Variants in ALMS1 observed in about 807,000 individuals in gnomAD.
The protein encoded by ALMS1 is centrosome-associated protein ALMS1.
A neutral mutation model predicts 352.2 loss-of-function variants in ALMS1; 271 were observed. The observed-to-expected ratio is 0.77, with a 90% CI of 0.70 to 0.85. The LOEUF is 0.85. Among genes scored for constraint, ALMS1 ranks in the 40% least tolerant of loss-of-function variants. The pLI is 0.00. For synonymous variants in ALMS1, 1,865 were observed against 1,761.2 expected (o/e 1.06, Z -1.48); for missense variants, 5,445 against 4,870.7 (o/e 1.12, Z -3.51).
Position 73,452,970 on chromosome 2 carries a change from C to A in ALMS1, c.6443C>A (p.Pro2148Gln). ...AGTTCCTTTTCACATCGAGAGAAAC[C>A]AGATATTTTCTATCAAAAGGATTTG... The part of the protein sequence containing the change: ...LPSSFSHREK[P>Q]DIFYQKDLPD... Residue 2148 changes from proline (P) to glutamine (Q), a missense_variant, in exon 8 of 23, where the codon CCA (proline) becomes CAA (glutamine). Physicochemically the swap from Pro to Gln is moderately conservative, Grantham distance 76. Transcript: ENST00000613296. The A allele has an allele frequency of 6.2e-7, 1 of 1,612,246 alleles. No individual in the cohort carries two copies. The highest frequency in any genetic ancestry group is 8.5e-7 in the Non-Finnish European group (1 of 1,179,122).
intron 16 of ALMS1, among the ~76,000 whole-genome samples, chr2:73,578,648 C>G (rs181805983): frequency 4.5e-4 from 69 of 152,222 alleles, no homozygotes; most frequent in Non-Finnish European, 4.4e-5. Flanking sequence ...GTTAATACAT[C>G]TCTATTCTTC....
intron 15 of ALMS1, among the ~76,000 whole-genome samples, chr2:73,568,676 C>G (rs1318199098): frequency 6.6e-6 from 1 of 152,044 alleles, no homozygotes; most frequent in African/African-American, 2.4e-5. Context: ...CTTTACTGTT[C>G]ATATTAAATT....
rs1250097723 is a variant in ALMS1, at chr2:73,572,693, C to T, written c.10816C>T (p.Arg3606Trp). Residue 3606 changes from arginine to tryptophan, a missense_variant, in exon 16 of 23, where the codon CGG (arginine) becomes TGG (tryptophan). Physicochemically the swap from Arg to Trp is moderately radical, Grantham distance 101. Transcript: ENST00000613296. The part of the protein sequence containing the change: ...VSLNELWNKY[R>W]ERQRQQRQPE... ...TTTGAATGAACTGTGGAACAAGTAT[C>T]GGGAGCGACAGAGGCAACAGAGACA... The T allele has an allele frequency of 2.5e-6, 4 of 1,613,896 alleles. No individual in the cohort carries two copies. Among genetic ancestry groups the T allele is most frequent in the African/African-American group, 1.3e-5 (1 of 74,908 alleles).
At chr2:73,604,282 T>A (rs182281459) in intron 21 of ALMS1, among the ~76,000 whole-genome samples, 1 of 152,222 alleles carries the variant, frequency 6.6e-6, no homozygotes, top group African/African-American at 2.4e-5. Flanking sequence ...TCTGTAATCC[T>A]ACCTACTCAG....
chr2:73,597,785 T>TG (rs1675581855), intron 16 of ALMS1, among the ~76,000 whole-genome samples: 1 of 152,034 alleles, frequency 6.6e-6, no homozygotes, highest in African/African-American at 2.4e-5. Context: ...ACAGAGCTTT[T>TG]TTTTTTTTTT....
At position 73,573,235 on chromosome 2, in the gene ALMS1, C is replaced by T. The variant is rs1429287634; in HGVS notation, c.11358C>T (p.Asp3786=). The T allele has an allele frequency of 1.2e-6, 2 of 1,613,530 alleles. No homozygotes were observed. The highest frequency in any genetic ancestry group is 1.3e-5 in the African/African-American group (1 of 75,020). The part of the protein sequence containing the change: ...HERSSSVSTI[D]TARLIQAFGH... ...GGAGTAGCTCTGTTTCCACTATTGA[C>T]ACTGCCCGGCTGATTCAAGCTTTTG... Residue 3786 remains aspartate (D), a synonymous_variant, in exon 16 of 23, where the codon GAC becomes GAT. Coordinates refer to ENST00000613296, the MANE Select transcript of ALMS1 (RefSeq NM_001378454.1).
intron 10 of ALMS1, among the ~76,000 whole-genome samples, chr2:73,510,293 T>C (rs916085478): frequency 2.0e-5 from 3 of 152,168 alleles, no homozygotes; most frequent in African/African-American, 7.2e-5. Flanking sequence ...AGAAGAGGCA[T>C]TCTGGTTTTG....
At position 73,579,116 on chromosome 2, in the gene ALMS1, A is replaced by G. The variant is rs115438782; in HGVS notation, c.11547+5692A>G. Among the ~76,000 whole-genome samples the G allele has an allele frequency of 5.7e-3, 762 of 133,110 alleles. 5 individuals carry two copies. Among genetic ancestry groups the G allele is most frequent in the African/African-American group, 0.023 (721 of 31,974 alleles). 87.3% of individuals were successfully genotyped at this position (133,110 alleles called of 152,430 possible). A position where few individuals can be genotyped will look rare whatever the true frequency, so the allele number is the denominator to read the frequency against. ...CGGAGTCGTCCTGGGCTGTAGTGCA[A>G]TGGCACAATCTAAGCTCACTGCAAC... On this transcript the variant is annotated intron_variant, in intron 16 of 22. Transcript: ENST00000613296.
At chr2:73,594,009 G>A (rs1675493031) in intron 16 of ALMS1, among the ~76,000 whole-genome samples, 1 of 152,062 alleles carries the variant, frequency 6.6e-6, no homozygotes, top group African/African-American at 2.4e-5. Flanking sequence ...TCTGTTTTTT[G>A]TCTATTATGA....
intron 6 of ALMS1, among the ~76,000 whole-genome samples, chr2:73,427,506 A>G (rs1435182878): frequency 6.6e-6 from 1 of 150,996 alleles, no homozygotes; most frequent in Non-Finnish European, 1.5e-5. Context: ...TTTTTTTTTT[A>G]AATTAAGTTC....
At chr2:73,605,931 T>C (rs1400885464) in intron 21 of ALMS1, among the ~76,000 whole-genome samples, 2 of 152,182 alleles carry the variant, frequency 1.3e-5, no homozygotes, top group Non-Finnish European at 2.9e-5. Context: ...GAAAAGAGTA[T>C]TGCAGTAACT....
At chr2:73,528,516 T>C (rs1673841202) in intron 11 of ALMS1, among the ~76,000 whole-genome samples, 1 of 152,246 alleles carries the variant, frequency 6.6e-6, no homozygotes, top group South Asian at 2.1e-4. Flanking sequence ...TTAAAGTCTA[T>C]TTTGTCTGAT....
Position 73,490,099 on chromosome 2 carries a change from T to A in ALMS1, c.8140T>A (p.Ser2714Thr). The A allele has an allele frequency of 6.2e-7, 1 of 1,614,174 alleles. No individual in the cohort carries two copies. Among genetic ancestry groups the A allele is most frequent in the South Asian group, 1.1e-5 (1 of 91,078 alleles). The part of the protein sequence containing the change: ...SPEPMKKFTT[S>T]ITFSSHRHSK... The stretch of plus-strand genomic sequence containing the variant: ...AGAACCCATGAAAAAGTTTACTACC[T>A]CCATCACTTTTTCATCTCACCGACA... The change falls in exon 10 of 23, where the codon TCC becomes ACC. Residue 2714 changes from serine to threonine, a missense_variant. Ser to Thr is a moderately conservative substitution (Grantham distance 58, BLOSUM62 1). Transcript: ENST00000613296.
intron 1 of ALMS1, among the ~76,000 whole-genome samples, chr2:73,391,353 G>A (rs1353015165): frequency 7.0e-6 from 1 of 143,394 alleles, no homozygotes; most frequent in Admixed American, 7.2e-5. Flanking sequence ...GAGTGCAGTG[G>A]CGCAATCTCG....
At position 73,542,986 on chromosome 2, in the gene ALMS1, A is replaced by C. The variant is rs559191869; in HGVS notation, c.9908-7281A>C. Reference sequence around the variant, plus strand: ...TGCCATCCCCATCAAGCTACCAATGACTTTCTTCACAGAATTGGAAAAAAC... The same window carrying C: ...TGCCATCCCCATCAAGCTACCAATGCCTTTCTTCACAGAATTGGAAAAAAC... On this transcript the variant is annotated intron_variant, in intron 12 of 22. Coordinates refer to ENST00000613296, the MANE Select transcript of ALMS1 (RefSeq NM_001378454.1). 5.3e-5 allele frequency among the ~76,000 whole-genome samples: 8 copies of C among 152,298 alleles called. No homozygotes were observed. The East Asian group carries it at 7.7e-4, about 15-fold the overall frequency.
chr2:73,556,902 G>A (rs184499977), intron 13 of ALMS1, among the ~76,000 whole-genome samples: 3 of 151,878 alleles, frequency 2.0e-5, no homozygotes, highest in East Asian at 1.9e-4. Context: ...GGGTTTCACC[G>A]TGTTGGCCAG....
intron 10 of ALMS1, among the ~76,000 whole-genome samples, chr2:73,510,890 C>T (rs909190505): frequency 6.6e-6 from 1 of 152,198 alleles, no homozygotes; most frequent in Non-Finnish European, 1.5e-5. Flanking sequence ...GGGCTGCTGC[C>T]TTTCTTTCAG....
intron 12 of ALMS1, among the ~76,000 whole-genome samples, chr2:73,547,678 C>A (rs543503116): frequency 6.6e-6 from 1 of 152,056 alleles, no homozygotes; most frequent in African/African-American, 2.4e-5. Flanking sequence ...TTAAAGTGTT[C>A]GGATTTTATT....
Position 73,448,665 on chromosome 2 carries a change from C to G in ALMS1, c.2138C>G (p.Ser713Cys), listed in dbSNP as rs771496254. Reference sequence around the variant, plus strand: ...AAGACTGGGACAGCAACAGTACTCTCTACTCCCCACTCACATAGAGAGAAG... The same window carrying G: ...AAGACTGGGACAGCAACAGTACTCTGTACTCCCCACTCACATAGAGAGAAG... Reference protein sequence around the residue: ...DQKTGTATVLSTPHSHREKPG... With the variant: ...DQKTGTATVLCTPHSHREKPG... The change falls in exon 8 of 23, where the codon TCT (serine) becomes TGT (cysteine). Residue 713 changes from serine (S) to cysteine (C), a missense_variant. Ser to Cys is a moderately radical substitution (Grantham distance 112, BLOSUM62 -1). Transcript: ENST00000613296. 3.7e-6 allele frequency: 6 copies of G among 1,613,992 alleles called. No homozygotes were observed. Among genetic ancestry groups the G allele is most frequent in the South Asian group, 3.3e-5 (3 of 91,076 alleles).
Sources: allele counts gnomAD v4.1 joint callset (sites outside exome capture counted in the v4.1 genomes callset), GRCh38; gene constraint gnomAD v4.1.1; transcripts MANE v1.5; gene names NCBI Gene and HGNC (gene_info 2026-07-23, HGNC 2026-07-21).